Variants in ZNF577 observed in about 807,000 individuals in gnomAD.
ZNF577 encodes the protein zinc finger protein 577.
Under a neutral mutation model 13.9 loss-of-function variants are expected in ZNF577, and 14 were observed. That is an observed-to-expected ratio of 1.00 (90% CI 0.66 to 1.57). The LOEUF (loss-of-function observed/expected upper bound fraction) is 1.57, where lower values mean the gene tolerates loss of function less well. Among genes scored for constraint, ZNF577 ranks in the 40% most tolerant of loss-of-function variants. ZNF577 has a pLI of 0.00. For missense variants in ZNF577, 555 were observed against 579.2 expected, an observed-to-expected ratio of 0.96 and a Z score of 0.43; for synonymous variants, 203 against 202.9, an observed-to-expected ratio of 1.00 and a Z score of 0.00.
chr19:51,866,935 C>T (rs962871901), downstream of ZNF577, among the ~76,000 whole-genome samples: 12 of 151,228 alleles, frequency 7.9e-5, no homozygotes, highest in African/African-American at 2.7e-4. Flanking sequence ...GAGCCATGAT[C>T]GTGCCACTGA....
intron 9 of ZNF577, among the ~76,000 whole-genome samples, chr19:51,838,806 G>A (rs2084303112): frequency 6.6e-6 from 1 of 151,686 alleles, no homozygotes; most frequent in South Asian, 2.1e-4. Context: ...ATTACTGCCT[G>A]GTTTTTTATT....
At chr19:51,853,772 AG>A (rs2084391964) in intron 5 of ZNF577, among the ~76,000 whole-genome samples, 1 of 152,208 alleles carries the variant, frequency 6.6e-6, no homozygotes, top group Admixed American at 6.5e-5. Context: ...TCAGTGTGTA[AG>A]CCCCCTTCTT....
Position 51,850,815 on chromosome 19 carries a change from T to C in ZNF577, c.284-5884A>G, listed in dbSNP as rs539436838. On this transcript the variant is annotated intron_variant and NMD_transcript_variant, in intron 5 of 10. Transcript: ENST00000638827. ...ACAAAACTGTTTTGCACCATAATCATGGTGGTAACATGATTCTATTTGTCA... is the reference window on the plus strand; with the variant it reads ...ACAAAACTGTTTTGCACCATAATCACGGTGGTAACATGATTCTATTTGTCA... 7.9e-5 allele frequency among the ~76,000 whole-genome samples: 12 copies of C among 152,340 alleles called. No individual in the cohort carries two copies. In the East Asian group the frequency reaches 2.3e-3, roughly 29 times the overall value.
intron 9 of ZNF577, among the ~76,000 whole-genome samples, chr19:51,815,038 G>T (rs907337748): frequency 6.8e-6 from 1 of 147,128 alleles, no homozygotes; most frequent in African/African-American, 2.5e-5. Flanking sequence ...CTGAACTCCC[G>T]ACCTCAAATG....
chr19:51,833,639 T>C (rs1220116923), intron 9 of ZNF577, among the ~76,000 whole-genome samples: 1 of 152,168 alleles, frequency 6.6e-6, no homozygotes, highest in Non-Finnish European at 1.5e-5. Flanking sequence ...GCACTTAATC[T>C]ACTGAGAGGA....
At chr19:51,812,614 A>G (rs1441059738) in intron 9 of ZNF577, among the ~76,000 whole-genome samples, 4 of 152,172 alleles carry the variant, frequency 2.6e-5, no homozygotes, top group African/African-American at 9.7e-5. Flanking sequence ...CAGGCTACCT[A>G]GGGGTACCCT....
At chr19:51,842,470 C>T (rs138362539) in intron 8 of ZNF577, among the ~76,000 whole-genome samples, 5 of 152,174 alleles carry the variant, frequency 3.3e-5, no homozygotes, top group South Asian at 2.1e-4. Flanking sequence ...CCTTACTTGC[C>T]GTTCTATTAT....
At chr19:51,857,116 T>C (rs7257527) in intron 5 of ZNF577, among the ~76,000 whole-genome samples, 1 of 151,982 alleles carries the variant, frequency 6.6e-6, no homozygotes, top group Non-Finnish European at 1.5e-5. Context: ...CTGGCCAACA[T>C]GGTGAAACCC....
intron 9 of ZNF577, among the ~76,000 whole-genome samples, chr19:51,821,366 T>A (rs961175148): frequency 6.6e-6 from 1 of 152,118 alleles, no homozygotes; most frequent in Non-Finnish European, 1.5e-5. Context: ...TTTGACAATG[T>A]CTATAGACAC....
intron 1 of ZNF577, among the ~76,000 whole-genome samples, chr19:51,882,699 G>T (rs185859823): frequency 6.6e-6 from 1 of 152,138 alleles, no homozygotes; most frequent in African/African-American, 2.4e-5. Flanking sequence ...CAGGAGGATC[G>T]CTTGAGCCCA....
At chr19:51,839,264 C>T (rs2084305899) in intron 9 of ZNF577, among the ~76,000 whole-genome samples, 1 of 152,124 alleles carries the variant, frequency 6.6e-6, no homozygotes, top group African/African-American at 2.4e-5. Context: ...CGTGGTTGAG[C>T]ATGCCTTTAG....
chr19:51,879,077 G>A (rs2084816252), intron 3 of ZNF577, among the ~76,000 whole-genome samples: 2 of 152,002 alleles, frequency 1.3e-5, no homozygotes, highest in East Asian at 1.9e-4. Context: ...CTAACACAGT[G>A]AAACCCCATC....
At chr19:51,821,897 GCTGTTA>G (rs1257901908) in intron 9 of ZNF577, among the ~76,000 whole-genome samples, 1 of 152,154 alleles carries the variant, frequency 6.6e-6, no homozygotes, top group African/African-American at 2.4e-5. Context: ...CTGTATAATT[GCTGTTA>G]CTTTTAGAGA....
At position 51,824,527 on chromosome 19, in the gene ZNF577, T is replaced by C. The variant is rs1451111188; in HGVS notation, c.*600-12853A>G. The stretch of plus-strand genomic sequence containing the variant: ...ATCTGTTGGTTCCCTTATGAACTAA[T>C]TGGCATTCTAATGGCAGTCTGGCTC... On this transcript the variant is annotated intron_variant and NMD_transcript_variant, in intron 9 of 10. Transcript: ENST00000638827. The surrounding 1 kb of genome is among the most constrained non-coding windows in gnomAD (Gnocchi z 4.7). 2.5e-6 allele frequency: 4 copies of C among 1,614,144 alleles called. No homozygotes were observed. The South Asian group carries it at 3.3e-5, about 13-fold the overall frequency.
rs1484038848 is a variant in ZNF577, at chr19:51,824,339, G to A, written c.*600-12665C>T. On this transcript the variant is annotated intron_variant and NMD_transcript_variant, in intron 9 of 10. Coordinates refer to the ZNF577 transcript ENST00000638827. The surrounding 1 kb of genome is among the most constrained non-coding windows in gnomAD (Gnocchi z 4.7). ...AGAGGTTGAACGTGTTCATTACCAT[G>A]GCCAAGGTCTTTCTGATCCTCCACT... 4.3e-6 allele frequency: 7 copies of A among 1,614,128 alleles called. No homozygotes were observed. In the East Asian group the frequency reaches 1.6e-4, roughly 36 times the overall value.
Position 51,872,545 on chromosome 19 carries a change from AT to A in ZNF577, c.1444del (p.Ile482LeufsTer30), listed in dbSNP as rs768683254. 5.9e-5 allele frequency: 93 copies of A among 1,584,606 alleles called. No homozygotes were observed. The African/African-American group carries it at 1.2e-3, about 20-fold the overall frequency. ...GTATCAGAAGATTTATTCTGATACA[AT>A]ATCTGTAAGATACAAGATATAATTT... ...VINYILYLTD[I>X]VSE On this transcript the variant is annotated frameshift_variant, in exon 6 of 6. Coordinates refer to ENST00000638348, the MANE Select transcript of ZNF577 (RefSeq NM_001370449.1). LOFTEE classifies it low-confidence loss of function (END_TRUNC).
At position 51,873,193 on chromosome 19, in the gene ZNF577, C is replaced by G. The variant is rs2084692142; in HGVS notation, c.797G>C (p.Gly266Ala). 2 of 1,614,132 alleles carry G rather than the reference C, an allele frequency of 1.2e-6. No homozygotes were observed. The highest frequency in any genetic ancestry group is 2.2e-5 in the South Asian group (2 of 91,062). Residue 266 changes from glycine (G) to alanine (A), a missense_variant, in exon 6 of 6, where the codon GGA (glycine) becomes GCA (alanine). Transcript: ENST00000638348. ...RLNRHQRSHTGEKLYGCSVCG... is the reference protein window; with the variant it reads ...RLNRHQRSHTAEKLYGCSVCG... ...CACACTGCACCCATAGAGTTTCTCT[C>G]CAGTATGTGATCGCTGATGTCTATT...
chr19:51,844,013 G>A (rs1371431431), intron 6 of ZNF577, among the ~76,000 whole-genome samples: 1 of 150,916 alleles, frequency 6.6e-6, no homozygotes, highest in Non-Finnish European at 1.5e-5. Context: ...TGGAGCAAAG[G>A]GTACACATTT....
intron 1 of ZNF577, among the ~76,000 whole-genome samples, chr19:51,884,367 GAA>G (rs1260847578): frequency 6.6e-6 from 1 of 152,208 alleles, no homozygotes; most frequent in African/African-American, 2.4e-5. Context: ...GATTTGCTAT[GAA>G]AGTCTCCAGA....
Sources: gnomAD v4.1 joint callset for allele counts (sites outside exome capture counted in the v4.1 genomes callset) on GRCh38, gnomAD v4.1.1 for gene constraint, Gnocchi (gnomAD v3.1) non-coding constraint, MANE v1.5 for transcripts, NCBI Gene and HGNC (gene_info 2026-07-23, HGNC 2026-07-21) for gene names.